ERBB3: variants seen among roughly 807,000 people sequenced by gnomAD.
ERBB3 encodes receptor tyrosine-protein kinase erbB-3.
Under a neutral mutation model 156.7 loss-of-function variants are expected in ERBB3, and 96 were observed. That is an observed-to-expected ratio of 0.61 (90% CI 0.52 to 0.73). The LOEUF is 0.73. Among genes scored for constraint, ERBB3 ranks in the 30% least tolerant of loss-of-function variants. The probability of loss-of-function intolerance (pLI) is 0.00; values close to 1 mark genes in which losing one functional copy is unlikely to be tolerated. For synonymous variants in ERBB3, 567 were observed against 632.0 expected (o/e 0.90, Z 1.54); for missense variants, 1,406 against 1,709.4 (o/e 0.82, Z 3.13).
chr12:56,096,877 G>A, intron 19 of ERBB3, 31 bp downstream of exon 19: 1 of 1,525,018 alleles, frequency 6.6e-7, no homozygotes, highest in Non-Finnish European at 9.1e-7. Context: ...ATGCCGCTAG[G>A]AGAGAGGACA....
intron 1 of ERBB3, among the ~76,000 whole-genome samples, chr12:56,082,596 G>A (rs1214416968): frequency 1.3e-5 from 2 of 152,034 alleles, no homozygotes; most frequent in East Asian, 1.9e-4. Flanking sequence ...AGCTACCACC[G>A]CCTCAGGGAA....
rs375932235 is a variant in ERBB3, at chr12:56,093,346, C to T, written c.1276C>T (p.Arg426Trp). ...TTIGGRSLYN[R>W]GFSLLIMKNL... Reference sequence around the variant, plus strand: ...CTCATCCTGTCTCCTTATTCTCAGCCGGGGCTTCTCATTGTTGATCATGAA... The same window carrying T: ...CTCATCCTGTCTCCTTATTCTCAGCTGGGGCTTCTCATTGTTGATCATGAA... Residue 426 changes from arginine to tryptophan, a missense_variant and splice_region_variant, in exon 12 of 28, where the codon CGG (arginine) becomes TGG (tryptophan). Arg to Trp is a moderately radical substitution (Grantham distance 101). Transcript: ENST00000267101. 18 of 1,612,792 alleles carry T rather than the reference C, an allele frequency of 1.1e-5. No individual in the cohort carries two copies. Among genetic ancestry groups the T allele is most frequent in the African/African-American group, 1.3e-5 (1 of 74,840 alleles).
At chr12:56,092,389 C>CAAAAAAAAAAA in intron 9 of ERBB3, among the ~76,000 whole-genome samples, 1 of 42,850 alleles carries the variant, frequency 2.3e-5, no homozygotes. Flanking sequence ...GACTCTGTCT[C>CAAAAAAAAAAA]AAAAAAAAAA....
Position 56,099,977 on chromosome 12 carries a change from C to T in ERBB3, c.3077C>T (p.Thr1026Ile). ...GAGGAGGACAACCTGGCAACCACCA[C>T]ACTGGGCTCCGCCCTCAGCCTACCA... ...EAEEDNLATT[T>I]LGSALSLPVG... The change falls in exon 25 of 28, where the codon ACA becomes ATA. Residue 1026 changes from threonine to isoleucine, a missense_variant. Transcript: ENST00000267101. 6.2e-7 allele frequency: 1 copy of T among 1,614,252 alleles called. No individual in the cohort carries two copies. The highest frequency in any genetic ancestry group is 8.5e-7 in the Non-Finnish European group (1 of 1,180,036).
In ERBB3 at chr12:56,087,740, G is replaced by A. The variant is rs567016549; in HGVS notation, c.614-55G>A. On this transcript the variant is annotated intron_variant, in intron 5 of 27. Coordinates refer to ENST00000267101, the MANE Select transcript of ERBB3 (RefSeq NM_001982.4). ...CACTGTGGGGGAGGCATGAGCAGTGGCCTCAGAATTCAGTCCTAGGAGCCC... is the reference window on the plus strand; with the variant it reads ...CACTGTGGGGGAGGCATGAGCAGTGACCTCAGAATTCAGTCCTAGGAGCCC... 4.4e-6 allele frequency: 7 copies of A among 1,587,514 alleles called. No homozygotes were observed. The African/African-American group carries it at 6.7e-5, about 15-fold the overall frequency.
At chr12:56,096,456 C>A (rs1299183386) in intron 17 of ERBB3, 47 bp from the exon 18 acceptor site, 2 of 1,612,212 alleles carry the variant, frequency 1.2e-6, no homozygotes, top group African/African-American at 1.3e-5. Flanking sequence ...TGGAGTGGGA[C>A]ATGGGAATGG....
intron 15 of ERBB3, 76 bp from the exon 16 acceptor site, chr12:56,095,181 C>A: frequency 1.7e-6 from 2 of 1,158,852 alleles, no homozygotes; most frequent in Non-Finnish European, 2.6e-6. Flanking sequence ...CTGAAACAAG[C>A]TTTTATATGT....
chr12:56,086,767 A>C, intron 4 of ERBB3, 111 bp downstream of exon 4: 1 of 1,335,304 alleles, frequency 7.5e-7, no homozygotes, highest in Non-Finnish European at 1.1e-6. Flanking sequence ...GTGAACAAAC[A>C]CCTCAGGTCC....
chr12:56,089,076 C>T (rs993271662), intron 9 of ERBB3: 1 of 672,200 alleles, frequency 1.5e-6, no homozygotes. Flanking sequence ...TTCAATATCG[C>T]CCTGCCAAGG....
Position 56,099,594 on chromosome 12 carries a change from C to A in ERBB3, c.2840-54C>A, listed in dbSNP as rs879274702. 1.6e-5 allele frequency: 24 copies of A among 1,504,070 alleles called. No individual in the cohort carries two copies. In the Admixed American group the frequency reaches 3.2e-4, roughly 20 times the overall value. The allele number at this position is 1,504,070 out of a possible 1,614,324, so 93.2% of individuals were successfully genotyped here. Reference sequence around the variant, plus strand: ...GATTATAGGTGTGAGCCACCGCGCCCGGCCATGGAATGTATTCTCTTTTAT... The same window carrying A: ...GATTATAGGTGTGAGCCACCGCGCCAGGCCATGGAATGTATTCTCTTTTAT... On this transcript the variant is annotated intron_variant, in intron 23 of 27. Transcript: ENST00000267101.
Position 56,083,917 on chromosome 12 carries a change from C to T in ERBB3, c.234+15C>T. 16 of 1,613,008 alleles carry T rather than the reference C, an allele frequency of 9.9e-6. No individual in the cohort carries two copies. The highest frequency in any genetic ancestry group is 1.4e-5 in the Non-Finnish European group (16 of 1,179,130). The stretch of plus-strand genomic sequence containing the variant: ...CCTTCCTGCAGGTTAGTGAGCCCAC[C>T]CTCCTTCCTCAACCTGCTCCTCTTT... On this transcript the variant is annotated intron_variant, in intron 2 of 27. Coordinates refer to ENST00000267101, the MANE Select transcript of ERBB3 (RefSeq NM_001982.4).
chr12:56,095,523 G>T, intron 16 of ERBB3, 142 bp from the exon 17 acceptor site: 2 of 1,049,052 alleles, frequency 1.9e-6, no homozygotes, highest in Non-Finnish European at 2.9e-6. Context: ...GATTTAGGTT[G>T]GTCCCTTCAG....
chr12:56,099,548 C>CT lies in ERBB3; in HGVS notation c.2840-98dup. The CT allele has an allele frequency of 1.6e-5, 16 of 979,806 alleles. No homozygotes were observed. In the South Asian group the frequency reaches 1.9e-4, roughly 12 times the overall value. 60.7% of individuals were successfully genotyped at this position (979,806 alleles called of 1,614,324 possible). On this transcript the variant is annotated intron_variant, in intron 23 of 27. Coordinates refer to ENST00000267101, the MANE Select transcript of ERBB3 (RefSeq NM_001982.4). Reference sequence around the variant, plus strand: ...TCCCGACCTCAGGTGATCCACCCGCCTTGGCCTCCCAAAGTGCTGGGATTA... The same window carrying CT: ...TCCCGACCTCAGGTGATCCACCCGCCTTTGGCCTCCCAAAGTGCTGGGATTA...
In ERBB3 at chr12:56,093,851, A is replaced by G. The variant is rs530169899; in HGVS notation, c.1568A>G (p.Tyr523Cys). The change falls in exon 13 of 28, where the codon TAT becomes TGT. Residue 523 changes from tyrosine (Y) to cysteine (C), a missense_variant. Physicochemically the swap from Tyr to Cys is radical, Grantham distance 194 (BLOSUM62 -2). Coordinates refer to ENST00000267101, the MANE Select transcript of ERBB3 (RefSeq NM_001982.4). Reference protein sequence around the residue: ...GPGQCLSCRNYSRGGVCVTHC... With the variant: ...GPGQCLSCRNCSRGGVCVTHC... ...GGTCAGTGCTTGTCCTGTCGAAATT[A>G]TAGCCGAGGAGGTGTCTGTGTGACC... The G allele has an allele frequency of 6.2e-7, 1 of 1,613,718 alleles. No homozygotes were observed. Among genetic ancestry groups the G allele is most frequent in the Non-Finnish European group, 8.5e-7 (1 of 1,179,966 alleles).
chr12:56,102,841 A>G lies in ERBB3; in HGVS notation c.*786A>G, dbSNP rs1292520570. 1 of 182,734 alleles carries G rather than the reference A, an allele frequency of 5.5e-6. No homozygotes were observed. Among genetic ancestry groups the G allele is most frequent in the African/African-American group, 2.4e-5 (1 of 41,944 alleles). 11.3% of individuals were successfully genotyped at this position (182,734 alleles called of 1,614,324 possible). ...AAAAAAAAAAAAAAAAAAACTTTAG[A>G]ACTGGGTGCAGTGGCTCATGCCTGT... On this transcript the variant is annotated 3_prime_UTR_variant, in exon 28 of 28. Transcript: ENST00000267101.
intron 9 of ERBB3, among the ~76,000 whole-genome samples, chr12:56,090,658 C>A (rs1040612527): frequency 6.6e-6 from 1 of 151,806 alleles, no homozygotes; most frequent in African/African-American, 2.4e-5. Context: ...AAAAAAAATA[C>A]CACATACGCT....
intron 26 of ERBB3, among the ~76,000 whole-genome samples, chr12:56,100,661 G>C (rs1869059844): frequency 7.6e-6 from 1 of 132,330 alleles, no homozygotes; most frequent in Non-Finnish European, 1.6e-5. Flanking sequence ...AAAAAAAAAG[G>C]CCAGGTGCGG....
intron 4 of ERBB3, among the ~76,000 whole-genome samples, chr12:56,087,136 CAAAA>C (rs33927060): frequency 1.6e-5 from 2 of 125,448 alleles, no homozygotes; most frequent in Non-Finnish European, 3.3e-5. Flanking sequence ...GACCCTGTCT[CAAAA>C]AAAAAAAAAA....
chr12:56,092,601 T>C, intron 9 of ERBB3, 146 bp from the exon 10 acceptor site: 1 of 698,542 alleles, frequency 1.4e-6, no homozygotes, highest in South Asian at 1.6e-5. Context: ...GCTTATATTA[T>C]ATTTCCCCCA....
Sources: allele counts gnomAD v4.1 joint callset (sites outside exome capture counted in the v4.1 genomes callset), GRCh38; gene constraint gnomAD v4.1.1; transcripts MANE v1.5; gene names NCBI Gene and HGNC (gene_info 2026-07-23, HGNC 2026-07-21).